The following TENM1 variants were observed in gnomAD, a reference collection of about 807,000 sequenced individuals.
TENM1 encodes teneurin transmembrane protein 1.
In TENM1, 35 loss-of-function variants were observed where a neutral mutation model predicts 174.8. The ratio of observed to expected loss-of-function variants is 0.20; its 90% CI spans 0.15 to 0.27. The LOEUF is 0.27. TENM1 is among the 10% of genes least tolerant of loss of function. The pLI is 1.00. For synonymous variants in TENM1, 781 were observed against 798.7 expected (o/e 0.98, Z 0.37); for missense variants, 1,633 against 2,130.1 (o/e 0.77, Z 4.59).
rs73634542 is a variant in TENM1, at chrX:124,935,438, G to A, written c.217+28099C>T. 7.0e-3 allele frequency among the ~76,000 whole-genome samples: 778 copies of A among 111,151 alleles called. 5 individuals are homozygous for A. Among genetic ancestry groups the A allele is most frequent in the African/African-American group, 0.025 (751 of 30,640 alleles). ...TCATATCTTCCAGGAAACTTTCCCC[G>A]ACCCTTCTAACCCCTTATTTGAGTT... On this transcript the variant is annotated intron_variant, in intron 1 of 31. Coordinates refer to ENST00000422452, the Ensembl canonical transcript of TENM1.
chrX:125,080,298 T>C, the TENM1 span, among the ~76,000 whole-genome samples: 12 of 112,072 alleles, frequency 1.1e-4, no homozygotes, highest in Non-Finnish European at 1.1e-4. Context: ...AAATGATCTA[T>C]CAAAGGTTTC....
At chrX:124,505,994 G>A (rs748174207) in intron 18 of TENM1, among the ~76,000 whole-genome samples, 6 of 111,797 alleles carry the variant, frequency 5.4e-5, no homozygotes, top group Non-Finnish European at 9.4e-5. Flanking sequence ...AGCACACTGA[G>A]GGCCATGTTG....
intron 1 of TENM1, among the ~76,000 whole-genome samples, chrX:124,906,568 T>C (rs1467739741): frequency 2.7e-5 from 3 of 111,676 alleles, no homozygotes; most frequent in Non-Finnish European, 5.6e-5. Context: ...CAACCCTCAA[T>C]ATTTACCAAA....
chrX:124,595,887 A>G (rs772225805), intron 11 of TENM1, among the ~76,000 whole-genome samples: 1 of 112,322 alleles, frequency 8.9e-6, no homozygotes, highest in African/African-American at 3.2e-5. Context: ...TGATTTCCAT[A>G]AAGATTAGAA....
At chrX:124,389,997 G>A (rs932024546) in intron 28 of TENM1, among the ~76,000 whole-genome samples, 4 of 111,785 alleles carry the variant, frequency 3.6e-5, no homozygotes, top group Non-Finnish European at 7.5e-5. Context: ...AAGCTGGTTT[G>A]TCTCACTGGT....
intron 1 of TENM1, among the ~76,000 whole-genome samples, chrX:124,944,238 A>T (rs1038406673): frequency 1.8e-5 from 2 of 111,118 alleles, no homozygotes; most frequent in African/African-American, 6.5e-5. Context: ...AGGGTTTACC[A>T]GCTAATTTTT....
chrX:124,546,392 T>C (rs868699583), intron 15 of TENM1, among the ~76,000 whole-genome samples: 2 of 112,069 alleles, frequency 1.8e-5, no homozygotes, highest in Non-Finnish European at 3.8e-5. Context: ...GGTTGGGCTT[T>C]GGTCTGAGGT....
chrX:125,161,833 G>A, the TENM1 span, among the ~76,000 whole-genome samples: 1 of 111,927 alleles, frequency 8.9e-6, no homozygotes, highest in Non-Finnish European at 1.9e-5. Flanking sequence ...AGAAAGTCTA[G>A]TTCCAGACCC....
intron 11 of TENM1, among the ~76,000 whole-genome samples, chrX:124,626,277 A>T (rs1330776529): frequency 1.8e-5 from 2 of 111,869 alleles, no homozygotes; most frequent in Non-Finnish European, 3.8e-5. Context: ...AGGTTCTTTG[A>T]TAACTAAGAT....
chrX:124,920,135 T>G (rs1424213706), intron 1 of TENM1, among the ~76,000 whole-genome samples: 2 of 111,827 alleles, frequency 1.8e-5, no homozygotes, highest in Non-Finnish European at 3.8e-5. Flanking sequence ...TGAAAATTCC[T>G]CATTCCCTAA....
Position 124,398,863 on chromosome X carries a change from T to A in TENM1, c.5391+6168A>T, listed in dbSNP as rs771141664. ...TCCCCACCAACTGTTTTGTCCCCCA[T>A]GCAGGATTTTCAATCATTTGTTTAC... is the stretch of plus-strand genomic sequence containing the variant. On this transcript the variant is annotated intron_variant, in intron 27 of 31. Coordinates refer to ENST00000422452, the Ensembl canonical transcript of TENM1. Among the ~76,000 whole-genome samples the A allele has an allele frequency of 1.4e-4, 16 of 111,586 alleles. No individual in the cohort carries two copies. The East Asian group carries it at 4.5e-3, about 31-fold the overall frequency.
chrX:124,640,993 G>A (rs1393031878), intron 11 of TENM1, among the ~76,000 whole-genome samples: 1 of 107,234 alleles, frequency 9.3e-6, no homozygotes, highest in African/African-American at 3.5e-5. Flanking sequence ...GGGGATCCCT[G>A]TTGATGTGAT....
chrX:124,658,456 C>T (rs148303701), intron 6 of TENM1, among the ~76,000 whole-genome samples: 147 of 111,430 alleles, frequency 1.3e-3, no homozygotes, highest in African/African-American at 4.3e-3. Flanking sequence ...TTAGTCAAAA[C>T]GTACAACTTT....
intron 3 of TENM1, among the ~76,000 whole-genome samples, chrX:124,819,454 T>C (rs1221525119): frequency 9.0e-6 from 1 of 111,239 alleles, no homozygotes; most frequent in Non-Finnish European, 1.9e-5. Flanking sequence ...TGGCAGAGTA[T>C]AGACCAGAAT....
chrX:124,984,697 T>C, the TENM1 span, among the ~76,000 whole-genome samples: 2 of 112,025 alleles, frequency 1.8e-5, no homozygotes, highest in Non-Finnish European at 3.8e-5. Flanking sequence ...CATTTCTAGA[T>C]AGAAGCTAAC....
chrX:125,143,589 A>C, the TENM1 span, among the ~76,000 whole-genome samples: 2 of 111,828 alleles, frequency 1.8e-5, no homozygotes, highest in Non-Finnish European at 3.8e-5. Context: ...GAGATATTAG[A>C]AATTAGAAAT....
intron 23 of TENM1, among the ~76,000 whole-genome samples, chrX:124,432,403 A>G (rs1017728000): frequency 4.6e-5 from 5 of 109,549 alleles, no homozygotes; most frequent in Non-Finnish European, 7.6e-5. Context: ...TTATTTATTT[A>G]TTTGTTTGTT....
At chrX:125,041,204 G>T in the TENM1 span, among the ~76,000 whole-genome samples, 2 of 111,292 alleles carry the variant, frequency 1.8e-5, no homozygotes, top group African/African-American at 3.3e-5. Flanking sequence ...TAGTATTGTT[G>T]TGTAGGCATG....
exon 18 of TENM1, chrX:124,520,762 A>G: frequency 1.7e-6 from 2 of 1,194,594 alleles, no homozygotes; most frequent in Non-Finnish European, 2.3e-6. Context: ...GCTGGAGGGA[A>G]TGGGAATTTC....
Sources: gnomAD v4.1 joint callset for allele counts (sites outside exome capture counted in the v4.1 genomes callset) on GRCh38, gnomAD v4.1.1 for gene constraint, MANE v1.5 for transcripts, NCBI Gene and HGNC (gene_info 2026-07-23, HGNC 2026-07-21) for gene names.